The following PHLPP1 variants were observed in gnomAD, a reference collection of about 807,000 sequenced individuals.
The protein encoded by PHLPP1 is PH domain and leucine rich repeat protein phosphatase 1.
In PHLPP1, 42 loss-of-function variants were observed where a neutral mutation model predicts 117.2. The ratio of observed to expected loss-of-function variants is 0.36; its 90% CI spans 0.28 to 0.46. The LOEUF is 0.46. Ranked by LOEUF, PHLPP1 falls within the 20% of genes least tolerant of loss-of-function variation. The pLI is 1.00. For missense variants in PHLPP1, 2,084 were observed against 2,241.9 expected (o/e 0.93, Z 1.42); for synonymous variants, 1,042 against 970.7 (o/e 1.07, Z -1.37).
chr18:62,970,392 T>C (rs545756684), intron 14 of PHLPP1, among the ~76,000 whole-genome samples: 1 of 152,364 alleles, frequency 6.6e-6, no homozygotes, highest in African/African-American at 2.4e-5. Context: ...CAGATAATTC[T>C]TTGTTGTTGC....
At chr18:62,943,654 G>A (rs2144456090) in intron 11 of PHLPP1, among the ~76,000 whole-genome samples, 1 of 152,200 alleles carries the variant, frequency 6.6e-6, no homozygotes, top group South Asian at 2.1e-4. Context: ...TGCACAGCGT[G>A]TGAATTCTCT....
At chr18:62,815,440 AGCCACC>A (rs1914245807) in intron 1 of PHLPP1, among the ~76,000 whole-genome samples, 2 of 152,152 alleles carry the variant, frequency 1.3e-5, no homozygotes, top group Admixed American at 1.3e-4. Flanking sequence ...TACAGGCTTG[AGCCACC>A]GCGCCCGGCC....
chr18:62,856,381 T>C (rs925206329), intron 3 of PHLPP1, among the ~76,000 whole-genome samples: 6 of 152,164 alleles, frequency 3.9e-5, no homozygotes, highest in Admixed American at 2.0e-4. Flanking sequence ...TGCCAGTCAC[T>C]GTCTCCTTAT....
chr18:62,783,228 TC>T (rs1266599687), intron 1 of PHLPP1, among the ~76,000 whole-genome samples: 11 of 147,778 alleles, frequency 7.4e-5, no homozygotes, highest in African/African-American at 2.7e-4. Context: ...CTTTTTTTTT[TC>T]TTTTTTTTTT....
chr18:62,891,533 C>T (rs1472558529), intron 4 of PHLPP1, among the ~76,000 whole-genome samples: 2 of 151,772 alleles, frequency 1.3e-5, no homozygotes, highest in African/African-American at 2.4e-5. Context: ...TGCAGTGAGC[C>T]GAGATCACGC....
intron 6 of PHLPP1, among the ~76,000 whole-genome samples, chr18:62,899,095 T>C (rs535912743): frequency 6.6e-6 from 1 of 152,310 alleles, no homozygotes; most frequent in Admixed American, 6.5e-5. Flanking sequence ...CCACTGCGCC[T>C]GGCCTCAACT....
intron 3 of PHLPP1, among the ~76,000 whole-genome samples, chr18:62,854,993 A>G (rs1915457097): frequency 6.6e-6 from 1 of 152,144 alleles, no homozygotes; most frequent in African/African-American, 2.4e-5. Flanking sequence ...CCCTACACCC[A>G]GCCTGATCCT....
At chr18:62,949,509 T>G (rs941083712) in intron 12 of PHLPP1, among the ~76,000 whole-genome samples, 1 of 152,258 alleles carries the variant, frequency 6.6e-6, no homozygotes, top group Non-Finnish European at 1.5e-5. Context: ...TGTTAATTTC[T>G]GTATTTGGAT....
intron 1 of PHLPP1, among the ~76,000 whole-genome samples, chr18:62,762,200 T>C (rs1462223715): frequency 6.6e-6 from 1 of 152,040 alleles, no homozygotes; most frequent in Non-Finnish European, 1.5e-5. Context: ...ACTTTGTATC[T>C]AGTTCAGGTC....
chr18:62,814,583 G>A (rs1397818271), intron 1 of PHLPP1, among the ~76,000 whole-genome samples: 1 of 152,142 alleles, frequency 6.6e-6, no homozygotes, highest in African/African-American at 2.4e-5. Flanking sequence ...AGATAAAGAG[G>A]GTGAGGTGAG....
intron 14 of PHLPP1, among the ~76,000 whole-genome samples, chr18:62,969,344 A>T (rs1399337626): frequency 6.6e-6 from 1 of 151,960 alleles, no homozygotes; most frequent in Non-Finnish European, 1.5e-5. Context: ...AGAGTTGTAA[A>T]TTTTTTTCTA....
chr18:62,758,176 T>C (rs556955941), intron 1 of PHLPP1, among the ~76,000 whole-genome samples: 7 of 152,362 alleles, frequency 4.6e-5, no homozygotes, highest in Non-Finnish European at 1.0e-4. Context: ...GAAAAGTTGT[T>C]GCACTTTGGA....
intron 10 of PHLPP1, 94 bp from the exon 11 acceptor site, chr18:62,941,624 C>A: frequency 2.4e-6 from 2 of 824,668 alleles, no homozygotes; most frequent in Non-Finnish European, 3.8e-6. Flanking sequence ...TGTTTCTGAT[C>A]CCAGCTTCTA....
intron 1 of PHLPP1, among the ~76,000 whole-genome samples, chr18:62,751,726 T>C (rs1911860040): frequency 6.6e-6 from 1 of 152,132 alleles, no homozygotes; most frequent in African/African-American, 2.4e-5. Flanking sequence ...TCACAGTCAT[T>C]TGGGGTGGAT....
intron 4 of PHLPP1, among the ~76,000 whole-genome samples, chr18:62,882,066 T>TA (rs1179192496): frequency 2.0e-5 from 3 of 152,148 alleles, no homozygotes; most frequent in Admixed American, 6.5e-5. Flanking sequence ...TTTTAGAAAT[T>TA]ATTTGGCTTC....
intron 1 of PHLPP1, among the ~76,000 whole-genome samples, chr18:62,730,579 T>C (rs1911199270): frequency 6.6e-6 from 1 of 152,134 alleles, no homozygotes; most frequent in African/African-American, 2.4e-5. Flanking sequence ...CCCAGCACTT[T>C]GGGAGGCCGA....
chr18:62,730,493 TAG>T (rs112256859), intron 1 of PHLPP1, among the ~76,000 whole-genome samples: 2 of 151,710 alleles, frequency 1.3e-5, no homozygotes, highest in African/African-American at 4.8e-5. Context: ...CCTCATTTAT[TAG>T]AGAGAGAGAG....
chr18:62,948,868 A>G (rs1005360885), intron 12 of PHLPP1, among the ~76,000 whole-genome samples: 2 of 152,208 alleles, frequency 1.3e-5, no homozygotes, highest in Non-Finnish European at 2.9e-5. Flanking sequence ...CAATATAAGT[A>G]TGTATATTTG....
Position 62,717,109 on chromosome 18 carries a change from C to A in PHLPP1, c.1426C>A (p.His476Asn). ...GCCGCCCACCCTGTACGTGCAGCTCCACGGAGAGACCACCCGGCGCTTGGA... is the reference window on the plus strand; with the variant it reads ...GCCGCCCACCCTGTACGTGCAGCTCAACGGAGAGACCACCCGGCGCTTGGA... ...PPPPTLYVQL[H>N]GETTRRLEAE... The change falls in exon 1 of 17, where the codon CAC becomes AAC. Residue 476 changes from histidine to asparagine, a missense_variant. This residue lies in a region of PHLPP1 where 1,365 missense variants were observed against 1,605.9 expected (regional missense o/e 0.85). Coordinates refer to ENST00000262719, the MANE Select transcript of PHLPP1 (RefSeq NM_194449.4). The A allele has an allele frequency of 1.3e-6, 2 of 1,572,826 alleles. No individual in the cohort carries two copies. The highest frequency in any genetic ancestry group is 1.7e-6 in the Non-Finnish European group (2 of 1,159,930).
Sources: allele counts gnomAD v4.1 joint callset (sites outside exome capture counted in the v4.1 genomes callset), GRCh38; gene constraint gnomAD v4.1.1; regional missense constraint gnomAD v4.1.1; transcripts MANE v1.5; gene names NCBI Gene and HGNC (gene_info 2026-07-23, HGNC 2026-07-21).